EPHA6: variants seen among roughly 807,000 people sequenced by gnomAD.
EPHA6 encodes ephrin type-A receptor 6.
In EPHA6, 50 loss-of-function variants were observed where a neutral mutation model predicts 112.0. The observed-to-expected ratio is 0.45, with a 90% CI of 0.36 to 0.56. The LOEUF (loss-of-function observed/expected upper bound fraction) is 0.56. Among genes scored for constraint, EPHA6 ranks in the 20% least tolerant of loss-of-function variants. The pLI, the probability that EPHA6 is intolerant of heterozygous loss-of-function variation, is 0.00. For missense variants in EPHA6, 1,280 were observed against 1,417.4 expected (o/e 0.90, Z 1.56); for synonymous variants, 529 against 490.7 (o/e 1.08, Z -1.03).
At chr3:97,556,872 T>G (rs1357817341) in intron 11 of EPHA6, among the ~76,000 whole-genome samples, 1 of 152,096 alleles carries the variant, frequency 6.6e-6, no homozygotes, top group Non-Finnish European at 1.5e-5. Context: ...AAACGATTAT[T>G]TCTCTTAAAG....
intron 2 of EPHA6, among the ~76,000 whole-genome samples, chr3:96,904,697 A>T (rs72916406): frequency 0.014 from 2,054 of 152,042 alleles, 49 homozygotes; most frequent in African/African-American, 0.045. Context: ...AACTCTTTTG[A>T]TGTAGGTAGT....
At chr3:97,583,743 A>G (rs1387861739) in intron 11 of EPHA6, among the ~76,000 whole-genome samples, 1 of 152,190 alleles carries the variant, frequency 6.6e-6, no homozygotes, top group African/African-American at 2.4e-5. Context: ...TGCAATGTCA[A>G]TCAAAATCCC....
At chr3:97,635,336 A>G (rs2093936294) in intron 13 of EPHA6, among the ~76,000 whole-genome samples, 2 of 152,112 alleles carry the variant, frequency 1.3e-5, no homozygotes, top group African/African-American at 4.8e-5. Flanking sequence ...AGTTAATCTA[A>G]ATCTTCAAAT....
chr3:97,576,013 A>G (rs1468269522), intron 11 of EPHA6, among the ~76,000 whole-genome samples: 6 of 152,098 alleles, frequency 3.9e-5, no homozygotes, highest in Admixed American at 6.5e-5. Flanking sequence ...CAATTTAGCA[A>G]CTAGCTAAAT....
intron 3 of EPHA6, among the ~76,000 whole-genome samples, chr3:97,042,665 A>G (rs911868802): frequency 2.6e-5 from 4 of 152,258 alleles, no homozygotes; most frequent in African/African-American, 9.6e-5. Context: ...TCCAACCATT[A>G]GAGAACTCCC....
chr3:97,276,908 G>T (rs780335802), intron 5 of EPHA6, among the ~76,000 whole-genome samples: 9 of 152,176 alleles, frequency 5.9e-5, no homozygotes, highest in Non-Finnish European at 1.0e-4. Flanking sequence ...GGGCAGGTGG[G>T]GGAGGGCTAG....
At chr3:97,138,999 T>C (rs1431031612) in intron 3 of EPHA6, among the ~76,000 whole-genome samples, 1 of 152,198 alleles carries the variant, frequency 6.6e-6, no homozygotes, top group Non-Finnish European at 1.5e-5. Context: ...GAGTGGACTC[T>C]TGGTGCAAGA....
At chr3:97,211,797 A>G (rs1456494413) in intron 3 of EPHA6, among the ~76,000 whole-genome samples, 1 of 152,212 alleles carries the variant, frequency 6.6e-6, no homozygotes, top group East Asian at 1.9e-4. Flanking sequence ...GTCGCCTTAA[A>G]TGACAGAGCG....
chr3:97,598,390 T>G (rs1269849655), intron 12 of EPHA6, among the ~76,000 whole-genome samples: 4 of 148,134 alleles, frequency 2.7e-5, no homozygotes. Flanking sequence ...GCATTAGGTA[T>G]ATCTCCCAAT....
intron 1 of EPHA6, among the ~76,000 whole-genome samples, chr3:96,863,214 G>T (rs1035402393): frequency 6.6e-6 from 1 of 151,912 alleles, no homozygotes; most frequent in Non-Finnish European, 1.5e-5. Flanking sequence ...AAATGGAAAA[G>T]TATTGGCTTT....
At chr3:96,972,423 AAAC>A (rs747859341) in intron 2 of EPHA6, among the ~76,000 whole-genome samples, 3 of 74,918 alleles carry the variant, frequency 4.0e-5, no homozygotes, top group Non-Finnish European at 7.4e-5. Context: ...ACACACACAC[AAAC>A]ACACACACAC....
intron 4 of EPHA6, among the ~76,000 whole-genome samples, chr3:97,229,539 A>G (rs896566568): frequency 1.3e-5 from 2 of 152,066 alleles, no homozygotes; most frequent in African/African-American, 4.8e-5. Flanking sequence ...TAAGTCAGAT[A>G]TTAAGGTGAA....
Position 96,835,723 on chromosome 3 carries a change from C to A in EPHA6, c.385+20715C>A, listed in dbSNP as rs527906688. Among the ~76,000 whole-genome samples, 91 of 152,070 alleles carry A rather than the reference C, an allele frequency of 6.0e-4. 1 individual carries two copies. Among genetic ancestry groups the A allele is most frequent in the Middle Eastern group, 3.4e-3 (1 of 294 alleles). On this transcript the variant is annotated intron_variant, in intron 1 of 17. Coordinates refer to ENST00000389672, the MANE Select transcript of EPHA6 (RefSeq NM_001080448.3). ...TTTGAAAAAACACCCATATTTGAGT[C>A]CCACCCAGATTTATCTCTGTAAACA...
rs142654664 is a variant in EPHA6, at chr3:97,437,726, T to C, written c.1732-10842T>C. ...CTATATTGCCAAGGCTGGTCTCAAATCCTGGCCTCAAGTGATTCTTCTGAC... is the reference window on the plus strand; with the variant it reads ...CTATATTGCCAAGGCTGGTCTCAAACCCTGGCCTCAAGTGATTCTTCTGAC... On this transcript the variant is annotated intron_variant, in intron 6 of 17. Transcript: ENST00000389672. Among the ~76,000 whole-genome samples, 344 of 152,202 alleles carry C rather than the reference T, an allele frequency of 2.3e-3. 1 individual carries two copies. The highest frequency in any genetic ancestry group is 8.0e-3 in the African/African-American group (332 of 41,536).
chr3:96,864,679 G>A (rs886541359), intron 1 of EPHA6, among the ~76,000 whole-genome samples: 2 of 151,952 alleles, frequency 1.3e-5, no homozygotes, highest in African/African-American at 4.8e-5. Flanking sequence ...AAAGAGGGTG[G>A]ATTTGTTGTG....
intron 5 of EPHA6, among the ~76,000 whole-genome samples, chr3:97,314,717 G>A (rs1041697717): frequency 1.8e-4 from 27 of 151,790 alleles, no homozygotes; most frequent in African/African-American, 5.8e-4. Flanking sequence ...AAATCAAGTA[G>A]ACATTAGGGA....
chr3:96,863,367 C>A (rs891794510), intron 1 of EPHA6, among the ~76,000 whole-genome samples: 6 of 151,548 alleles, frequency 4.0e-5, no homozygotes, highest in Admixed American at 3.3e-4. Flanking sequence ...AATTAGTGTG[C>A]CTGAAAAACC....
intron 7 of EPHA6, among the ~76,000 whole-genome samples, chr3:97,462,379 G>A (rs924574942): frequency 2.0e-5 from 3 of 151,828 alleles, no homozygotes; most frequent in Admixed American, 6.6e-5. Flanking sequence ...ACTCCCCTAC[G>A]TAAAGAAAAA....
intron 1 of EPHA6, among the ~76,000 whole-genome samples, chr3:96,848,886 A>C (rs1200443889): frequency 1.3e-5 from 2 of 152,168 alleles, no homozygotes; most frequent in Non-Finnish European, 2.9e-5. Flanking sequence ...CTGTTTAAAC[A>C]CATATGAAAA....
Sources: gnomAD v4.1 joint callset for allele counts (sites outside exome capture counted in the v4.1 genomes callset) on GRCh38, gnomAD v4.1.1 for gene constraint, MANE v1.5 for transcripts, NCBI Gene and HGNC (gene_info 2026-07-23, HGNC 2026-07-21) for gene names.